SNRPN: variants seen among roughly 807,000 people sequenced by gnomAD.
SNRPN encodes small nuclear ribonucleoprotein polypeptide N, also known as small nuclear ribonucleoprotein-associated protein N.
SNRPN carries 7 observed loss-of-function variants against 25.2 expected under a neutral mutation model. The ratio of observed to expected loss-of-function variants is 0.28; its 90% CI spans 0.16 to 0.52. SNRPN has a LOEUF of 0.52. Ranked by LOEUF, SNRPN falls within the 20% of genes least tolerant of loss-of-function variation. The pLI is 0.96. For synonymous variants in SNRPN, 124 were observed against 110.6 expected (o/e 1.12, Z -0.76); for missense variants, 196 against 322.5 (o/e 0.61, Z 3.00).
intron 3 of SNRPN, among the ~76,000 whole-genome samples, chr15:24,923,313 T>TA (rs1390092188): frequency 1.3e-5 from 2 of 152,176 alleles, no homozygotes; most frequent in Admixed American, 6.6e-5. Context: ...TTTATATAGG[T>TA]ACACATCTCT....
intron 3 of SNRPN, among the ~76,000 whole-genome samples, chr15:24,944,632 C>T (rs543390078): frequency 1.3e-5 from 2 of 152,210 alleles, no homozygotes; most frequent in African/African-American, 4.8e-5. Flanking sequence ...AGAAACCAAC[C>T]CCAGAACTAA....
intron 2 of SNRPN, among the ~76,000 whole-genome samples, chr15:24,843,909 G>T (rs151061267): frequency 3.4e-4 from 51 of 151,660 alleles, no homozygotes; most frequent in African/African-American, 1.1e-3. Flanking sequence ...GGAGGCAGAG[G>T]TTGCAGTGAG....
intron 2 of SNRPN, among the ~76,000 whole-genome samples, chr15:24,913,736 C>T (rs1300306834): frequency 6.6e-6 from 1 of 151,746 alleles, no homozygotes; most frequent in Non-Finnish European, 1.5e-5. Flanking sequence ...CCAAACAGAC[C>T]CCTTTAACAA....
chr15:24,962,336 T>C lies in SNRPN; in HGVS notation c.-295+127T>C, dbSNP rs1318643180. The C allele has an allele frequency of 2.5e-5, 19 of 759,404 alleles. 1 individual carries two copies. The highest frequency in any genetic ancestry group is 9.1e-5 in the South Asian group (6 of 65,710). The allele number at this position is 759,404 out of a possible 1,614,324, so 47.0% of individuals were successfully genotyped here. A position where few individuals can be genotyped will look rare whatever the true frequency, so the allele number is the denominator to read the frequency against. On this transcript the variant is annotated intron_variant, in intron 2 of 9. Coordinates refer to ENST00000390687, the MANE Select transcript of SNRPN (RefSeq NM_003097.6). ...AAGCAGACACATCTAATACAGAAGA[T>C]GTAGTAAAAAAGCAATGAAATTCTT...
chr15:24,936,731 T>C (rs1383369797), intron 3 of SNRPN, among the ~76,000 whole-genome samples: 4 of 151,908 alleles, frequency 2.6e-5, no homozygotes, highest in Admixed American at 6.6e-5. Context: ...TCTTGTGATA[T>C]ATCACAAGAA....
chr15:24,966,635 C>T (rs1278673515), intron 2 of SNRPN, among the ~76,000 whole-genome samples: 1 of 152,134 alleles, frequency 6.6e-6, no homozygotes, highest in Non-Finnish European at 1.5e-5. Flanking sequence ...AGGGACCCAC[C>T]TTGAGTAACA....
chr15:24,958,510 T>TAAAA, intron 1 of SNRPN, among the ~76,000 whole-genome samples: 1 of 140,014 alleles, frequency 7.1e-6, no homozygotes, highest in African/African-American at 2.7e-5. Context: ...TTTTTTTTTT[T>TAAAA]TTTTTTTTTT....
At chr15:24,833,851 G>A (rs1490585083) in intron 2 of SNRPN, among the ~76,000 whole-genome samples, 1 of 152,096 alleles carries the variant, frequency 6.6e-6, no homozygotes, top group Non-Finnish European at 1.5e-5. Context: ...GGGCTGGTGA[G>A]GACTCCCAGC....
chr15:24,838,551 G>C (rs544710778), intron 2 of SNRPN, among the ~76,000 whole-genome samples: 1 of 151,980 alleles, frequency 6.6e-6, no homozygotes. Flanking sequence ...TACGAGATTC[G>C]TTCCCACCTG....
chr15:24,840,869 C>T (rs1317759167), intron 2 of SNRPN, among the ~76,000 whole-genome samples: 1 of 152,002 alleles, frequency 6.6e-6, no homozygotes, highest in South Asian at 2.1e-4. Flanking sequence ...TTTTTCGAGA[C>T]GGAGTCTTGC....
chr15:24,950,544 CTT>C (rs1024998270), upstream of SNRPN, among the ~76,000 whole-genome samples: 9,973 of 96,586 alleles, frequency 0.1, 384 homozygotes, highest in African/African-American at 0.26. Flanking sequence ...GTTCTCATTT[CTT>C]TTTTTTTTTT....
chr15:24,831,092 G>A (rs534383195), intron 2 of SNRPN, among the ~76,000 whole-genome samples: 2 of 152,058 alleles, frequency 1.3e-5, no homozygotes, highest in South Asian at 2.1e-4. Context: ...TCTGCCTCAC[G>A]TAGACTGATG....
intron 2 of SNRPN, among the ~76,000 whole-genome samples, chr15:24,888,988 G>A (rs146391116): frequency 0.056 from 8,515 of 152,150 alleles, 315 homozygotes; most frequent in Non-Finnish European, 0.081. Flanking sequence ...CACAATCTTG[G>A]CTCACTGCAA....
chr15:24,978,649 G>T lies in SNRPN; in HGVS notation c.*205G>T. On this transcript the variant is annotated 3_prime_UTR_variant, in exon 10 of 10. Transcript: ENST00000390687. ...AGATCTTAAGTTACTGTGGATGAGGGTGATGCCTATTAAGCAGTTGATTCA... is the reference window on the plus strand; with the variant it reads ...AGATCTTAAGTTACTGTGGATGAGGTTGATGCCTATTAAGCAGTTGATTCA... 1.6e-6 allele frequency: 1 copy of T among 610,148 alleles called. No homozygotes were observed. The highest frequency in any genetic ancestry group is 4.4e-4 in the Middle Eastern group (1 of 2,298). The allele number at this position is 610,148 out of a possible 1,614,324, so 37.8% of individuals were successfully genotyped here. A position where few individuals can be genotyped will look rare whatever the true frequency, so the allele number is the denominator to read the frequency against.
At chr15:24,879,435 T>A (rs2056363969) in intron 1 of SNRPN, among the ~76,000 whole-genome samples, 1 of 96,850 alleles carries the variant, frequency 1.0e-5, no homozygotes. Flanking sequence ...CGATTCTGTC[T>A]CTACAAAAAA....
Position 24,918,560 on chromosome 15 carries a change from CATAATATATATGTATATATATAACATAAT to C in SNRPN, c.-504-1447_-504-1419del, listed in dbSNP as rs1566909228. 5.3e-4 allele frequency among the ~76,000 whole-genome samples: 39 copies of C among 73,626 alleles called. 1 individual carries two copies. Among genetic ancestry groups the C allele is most frequent in the Non-Finnish European group, 8.4e-4 (32 of 38,312 alleles). The allele number at this position is 73,626 out of a possible 152,430, so 48.3% of individuals were successfully genotyped here. A position where few individuals can be genotyped will look rare whatever the true frequency, so the allele number is the denominator to read the frequency against. ...ATAATATATATGTGTGTATATATAA[CATAATATATATGTATATATATAACATAAT>C]ATATATGTATATATATAACATAATA... On this transcript the variant is annotated intron_variant, in intron 2 of 11. Coordinates refer to the SNRPN transcript ENST00000400097.
At chr15:24,971,772 A>G (rs1251744821) in intron 3 of SNRPN, among the ~76,000 whole-genome samples, 1 of 152,210 alleles carries the variant, frequency 6.6e-6, no homozygotes, top group Non-Finnish European at 1.5e-5. Flanking sequence ...GCTGATAAAC[A>G]TAAAATTCAC....
chr15:24,864,467 C>T (rs1438589708), intron 1 of SNRPN, among the ~76,000 whole-genome samples: 59 of 150,876 alleles, frequency 3.9e-4, no homozygotes, highest in Non-Finnish European at 2.5e-4. Flanking sequence ...CCTTAGCCTC[C>T]CTAGTAGCTG....
intron 1 of SNRPN, among the ~76,000 whole-genome samples, chr15:24,857,123 AT>A (rs1352406784): frequency 6.6e-6 from 1 of 152,216 alleles, no homozygotes; most frequent in Non-Finnish European, 1.5e-5. Context: ...GATTATTTGC[AT>A]TATATTGTTT....
Sources: allele counts gnomAD v4.1 joint callset (sites outside exome capture counted in the v4.1 genomes callset), GRCh38; gene constraint gnomAD v4.1.1; transcripts MANE v1.5; gene names NCBI Gene and HGNC (gene_info 2026-07-23, HGNC 2026-07-21).